USH2A: variants seen among roughly 807,000 people sequenced by gnomAD.
USH2A encodes the protein usherin.
In USH2A, 443 loss-of-function variants were observed where a neutral mutation model predicts 538.9. The ratio of observed to expected loss-of-function variants is 0.82; its 90% CI spans 0.76 to 0.89. The LOEUF is 0.89. Ranked by LOEUF, USH2A falls within the 40% of genes least tolerant of loss-of-function variation. The pLI is 0.00. For missense variants in USH2A, 6,633 were observed against 6,324.8 expected (o/e 1.05, Z -1.65); for synonymous variants, 2,413 against 2,273.5 (o/e 1.06, Z -1.75).
intron 58 of USH2A, among the ~76,000 whole-genome samples, chr1:215,747,340 AT>A (rs530686999): frequency 1.1e-3 from 160 of 152,354 alleles, no homozygotes; most frequent in Non-Finnish European, 3.8e-4. Context: ...TGCCTAAAAA[AT>A]AACTTTATTT....
At chr1:216,050,572 C>CTT (rs1236751090) in intron 30 of USH2A, among the ~76,000 whole-genome samples, 1 of 39,226 alleles carries the variant, frequency 2.5e-5, no homozygotes, top group African/African-American at 8.6e-5. Context: ...TTCTTTCTTT[C>CTT]TTTCTTTCTT....
At chr1:215,995,016 A>ATTG (rs1668101284) in intron 34 of USH2A, among the ~76,000 whole-genome samples, 1 of 152,104 alleles carries the variant, frequency 6.6e-6, no homozygotes, top group Non-Finnish European at 1.5e-5. Context: ...GCAGCTTCTT[A>ATTG]TTGTTAAACT....
chr1:215,770,273 T>C (rs1183891165), intron 55 of USH2A, among the ~76,000 whole-genome samples: 1 of 152,138 alleles, frequency 6.6e-6, no homozygotes, highest in Non-Finnish European at 1.5e-5. Flanking sequence ...TTTAAGTTAC[T>C]CAATGGCTGC....
At chr1:215,786,569 C>A in intron 52 of USH2A, 101 bp downstream of exon 52, 1 of 1,274,766 alleles carries the variant, frequency 7.8e-7, no homozygotes, top group South Asian at 1.2e-5. Context: ...GTACTGATAT[C>A]AGTTTAAGGA....
intron 61 of USH2A, among the ~76,000 whole-genome samples, chr1:215,706,021 A>G (rs757974195): frequency 5.3e-5 from 8 of 152,198 alleles, no homozygotes; most frequent in Non-Finnish European, 1.0e-4. Context: ...AAGCCTTAAA[A>G]CAACCTTATG....
intron 32 of USH2A, among the ~76,000 whole-genome samples, chr1:216,018,550 G>T (rs1340832644): frequency 6.6e-6 from 1 of 152,118 alleles, no homozygotes; most frequent in Non-Finnish European, 1.5e-5. Flanking sequence ...TGTGTCTTAC[G>T]TTGGCAGAAC....
chr1:215,662,307 GCAAA>G (rs1051078164), intron 64 of USH2A, among the ~76,000 whole-genome samples: 1 of 152,106 alleles, frequency 6.6e-6, no homozygotes, highest in Non-Finnish European at 1.5e-5. Context: ...TTTATTTTCA[GCAAA>G]CAAACTTCCA....
chr1:216,359,831 A>G (rs2038457598), intron 4 of USH2A, among the ~76,000 whole-genome samples: 1 of 152,094 alleles, frequency 6.6e-6, no homozygotes, highest in Non-Finnish European at 1.5e-5. Context: ...AATAGTAACA[A>G]AATTAGCAAA....
intron 60 of USH2A, among the ~76,000 whole-genome samples, chr1:215,740,361 TTCTC>T (rs145669922): frequency 1.3e-5 from 2 of 151,592 alleles, no homozygotes; most frequent in African/African-American, 2.4e-5. Flanking sequence ...TTCCATTATT[TTCTC>T]TCTCTCTCTC....
At chr1:216,277,089 C>T (rs1014322150) in intron 11 of USH2A, among the ~76,000 whole-genome samples, 1 of 152,220 alleles carries the variant, frequency 6.6e-6, no homozygotes, top group African/African-American at 2.4e-5. Context: ...AATCATAACT[C>T]CAGGAAACTA....
intron 21 of USH2A, among the ~76,000 whole-genome samples, chr1:216,135,191 C>T (rs909778373): frequency 6.6e-6 from 1 of 151,682 alleles, no homozygotes; most frequent in Non-Finnish European, 1.5e-5. Flanking sequence ...CACACACACA[C>T]ACACACACAC....
intron 31 of USH2A, 74 bp downstream of exon 31, chr1:216,048,460 T>C (rs2030614830): frequency 2.8e-6 from 4 of 1,449,108 alleles, no homozygotes; most frequent in African/African-American, 1.4e-5. Flanking sequence ...AATGGCCTTG[T>C]AGCATTTAGC....
In USH2A at chr1:216,244,755, G is replaced by A. The variant is rs568367376; in HGVS notation, c.2809+1830C>T. 4.1e-4 allele frequency among the ~76,000 whole-genome samples: 63 copies of A among 152,320 alleles called. 1 individual carries two copies. In the South Asian group the frequency reaches 0.012, roughly 29 times the overall value. ...TGGTAGGTGTACAAAGTATTGAGAT[G>A]ATGGATTGGGTCTTTCATTGGAAGG... On this transcript the variant is annotated intron_variant, in intron 13 of 71. Coordinates refer to ENST00000307340, the MANE Select transcript of USH2A (RefSeq NM_206933.4).
At chr1:216,415,110 T>A (rs1178188739) in intron 3 of USH2A, among the ~76,000 whole-genome samples, 1 of 152,098 alleles carries the variant, frequency 6.6e-6, no homozygotes, top group East Asian at 1.9e-4. Context: ...ACAAGACTGA[T>A]CATTGGTTAA....
intron 38 of USH2A, among the ~76,000 whole-genome samples, chr1:215,923,720 C>T (rs1666160670): frequency 1.3e-5 from 2 of 151,996 alleles, no homozygotes; most frequent in African/African-American, 2.4e-5. Flanking sequence ...GCAAAAATAG[C>T]CCCAGGCCAC....
intron 61 of USH2A, among the ~76,000 whole-genome samples, chr1:215,722,091 G>T (rs2820708): frequency 0.89 from 133,825 of 150,494 alleles, 60,245 homozygotes; most frequent in Non-Finnish European, 0.98. Flanking sequence ...AAAAGGGTTA[G>T]GCCGACAAAT....
chr1:215,677,203 A>G (rs957767360), intron 62 of USH2A, among the ~76,000 whole-genome samples: 6 of 152,098 alleles, frequency 3.9e-5, no homozygotes, highest in African/African-American at 1.4e-4. Context: ...TCCTTTTGCT[A>G]TGAATGAAAT....
chr1:216,392,235 A>G (rs1342191951), intron 3 of USH2A, among the ~76,000 whole-genome samples: 1 of 152,108 alleles, frequency 6.6e-6, no homozygotes, highest in Non-Finnish European at 1.5e-5. Flanking sequence ...GTGGTGGCTC[A>G]CACCTGTAAT....
intron 37 of USH2A, among the ~76,000 whole-genome samples, 163 bp downstream of exon 37, chr1:215,965,154 T>C (rs758092919): frequency 6.6e-6 from 1 of 152,138 alleles, no homozygotes; most frequent in Non-Finnish European, 1.5e-5. Context: ...AACCACATTC[T>C]GAGAACCGTC....
Sources: allele counts gnomAD v4.1 joint callset (sites outside exome capture counted in the v4.1 genomes callset), GRCh38; gene constraint gnomAD v4.1.1; transcripts MANE v1.5; gene names NCBI Gene and HGNC (gene_info 2026-07-23, HGNC 2026-07-21).